The following WWOX variants were observed in gnomAD, a reference collection of about 807,000 sequenced individuals.
The protein encoded by WWOX is WW domain-containing oxidoreductase.
A neutral mutation model predicts 46.2 loss-of-function variants in WWOX; 69 were observed. The ratio of observed to expected loss-of-function variants is 1.49; its 90% CI spans 1.23 to 1.82. The LOEUF is 1.82. Among genes scored for constraint, WWOX ranks in the 40% most tolerant of loss-of-function variants. WWOX has a pLI of 0.00. For missense variants in WWOX, 919 were observed against 542.6 expected, an observed-to-expected ratio of 1.69 and a Z score of -6.89; for synonymous variants, 359 against 202.6, an observed-to-expected ratio of 1.77 and a Z score of -6.56.
chr16:78,471,497 A>G (rs2084219520), intron 8 of WWOX, among the ~76,000 whole-genome samples: 1 of 152,136 alleles, frequency 6.6e-6, no homozygotes, highest in African/African-American at 2.4e-5. Flanking sequence ...GATCTTTTTC[A>G]CCAGCACCTT....
At chr16:79,023,350 G>A (rs1015384618) in intron 8 of WWOX, among the ~76,000 whole-genome samples, 3 of 152,192 alleles carry the variant, frequency 2.0e-5, no homozygotes, top group African/African-American at 7.2e-5. Flanking sequence ...CTTGGTATGA[G>A]TTCTAGGGGG....
At chr16:78,562,598 C>G (rs1409059917) in intron 8 of WWOX, among the ~76,000 whole-genome samples, 1 of 152,188 alleles carries the variant, frequency 6.6e-6, no homozygotes, top group Non-Finnish European at 1.5e-5. Flanking sequence ...CTGGGCCTGT[C>G]ACTTACTCCC....
chr16:78,668,219 G>A (rs901846053), intron 8 of WWOX, among the ~76,000 whole-genome samples: 2 of 152,088 alleles, frequency 1.3e-5, no homozygotes, highest in African/African-American at 4.8e-5. Flanking sequence ...AGCGGAGGTT[G>A]CAGTCAGCCG....
Position 78,228,749 on chromosome 16 carries a change from G to A in WWOX, c.516+64460G>A, listed in dbSNP as rs11863945. On this transcript the variant is annotated intron_variant, in intron 5 of 8. Coordinates refer to ENST00000566780, the MANE Select transcript of WWOX (RefSeq NM_016373.4). ...GTGAACATCATTAGTTGACAGATAT[G>A]TCATTGAAGTTTCATCCTTCTTCAT... 4.4e-3 allele frequency among the ~76,000 whole-genome samples: 670 copies of A among 152,276 alleles called. 5 individuals are homozygous for A. The highest frequency in any genetic ancestry group is 0.015 in the African/African-American group (624 of 41,564).
At chr16:78,867,533 TTG>T (rs1411221745) in intron 8 of WWOX, among the ~76,000 whole-genome samples, 3 of 151,368 alleles carry the variant, frequency 2.0e-5, no homozygotes, top group African/African-American at 7.3e-5. Flanking sequence ...TTTTGTTTTT[TTG>T]TGTGTGTGTT....
At chr16:79,115,745 T>C (rs7191506) in intron 8 of WWOX, among the ~76,000 whole-genome samples, 70,550 of 152,016 alleles carry the variant, frequency 0.46, 17,272 homozygotes, top group African/African-American at 0.62. Context: ...CTGACCTGCG[T>C]GTAGAAGTTT....
intron 8 of WWOX, among the ~76,000 whole-genome samples, chr16:78,773,048 A>T (rs2050103076): frequency 6.6e-6 from 1 of 152,026 alleles, no homozygotes; most frequent in South Asian, 2.1e-4. Flanking sequence ...CAAAACAAAC[A>T]AACAAAAGAA....
chr16:79,057,902 T>G lies in WWOX; in HGVS notation c.1057-153706T>G, dbSNP rs1049773174. Reference sequence around the variant, plus strand: ...CATAATGTGCAAGGATATCCTTCCATGTTATTAGAAATACAGATACACCAT... The same window carrying G: ...CATAATGTGCAAGGATATCCTTCCAGGTTATTAGAAATACAGATACACCAT... On this transcript the variant is annotated intron_variant, in intron 8 of 8. Transcript: ENST00000566780. 8.5e-5 allele frequency among the ~76,000 whole-genome samples: 13 copies of G among 152,302 alleles called. No homozygotes were observed. The South Asian group carries it at 1.2e-3, about 15-fold the overall frequency.
intron 8 of WWOX, among the ~76,000 whole-genome samples, chr16:78,680,199 C>G (rs940846930): frequency 1.3e-5 from 2 of 152,130 alleles, no homozygotes; most frequent in African/African-American, 4.8e-5. Flanking sequence ...AGCTTGAGCC[C>G]AGGAGTTCGA....
At chr16:78,436,496 A>G (rs548667783) in intron 8 of WWOX, among the ~76,000 whole-genome samples, 115 of 152,364 alleles carry the variant, frequency 7.5e-4, no homozygotes, top group African/African-American at 2.4e-3. Context: ...ATATGTAGCT[A>G]AGAGTCTTAC....
At chr16:78,459,623 A>G (rs2083904182) in intron 8 of WWOX, among the ~76,000 whole-genome samples, 1 of 152,134 alleles carries the variant, frequency 6.6e-6, no homozygotes, top group African/African-American at 2.4e-5. Flanking sequence ...TACTTTCTGC[A>G]TTTGCGTGTG....
At chr16:78,139,836 G>GT (rs2033923615) in intron 4 of WWOX, among the ~76,000 whole-genome samples, 1 of 152,130 alleles carries the variant, frequency 6.6e-6, no homozygotes, top group South Asian at 2.1e-4. Context: ...ATAAAAATGT[G>GT]TTTTTTAGTT....
At chr16:78,812,285 T>G (rs1178351344) in intron 8 of WWOX, among the ~76,000 whole-genome samples, 1 of 152,126 alleles carries the variant, frequency 6.6e-6, no homozygotes, top group Non-Finnish European at 1.5e-5. Flanking sequence ...ATAGAGGACA[T>G]CAGCAGCCAG....
chr16:78,417,040 G>GGTGTGTGTGTGTGTGTGTGTGTGTGTGT lies in WWOX; in HGVS notation c.606-7818_606-7817insGTGTGTGTGTGTGTGTGTGTGTGTGTGT, dbSNP rs143606762. On this transcript the variant is annotated intron_variant, in intron 6 of 8. Transcript: ENST00000566780. ...CCTTGAAGTCAGGTGACCCTTTGGGGGTGTGTGTGTGTTTGCTTCTTTATA... is the reference window on the plus strand; with the variant it reads ...CCTTGAAGTCAGGTGACCCTTTGGGGGTGTGTGTGTGTGTGTGTGTGTGTGTGTGTGTGTGTGTGTTTGCTTCTTTATA... Among the ~76,000 whole-genome samples, 15 of 151,380 alleles carry GGTGTGTGTGTGTGTGTGTGTGTGTGTGT rather than the reference G, an allele frequency of 9.9e-5. 1 individual carries two copies. The highest frequency in any genetic ancestry group is 3.4e-4 in the African/African-American group (14 of 40,956).
intron 8 of WWOX, among the ~76,000 whole-genome samples, chr16:78,962,318 TTTTTTTTTAAA>T (rs1212316648): frequency 7.4e-5 from 7 of 94,316 alleles, no homozygotes; most frequent in African/African-American, 2.6e-4. Context: ...TTTTTTTTTT[TTTTTTTTTAAA>T]AAAAAAAAAA....
intron 8 of WWOX, among the ~76,000 whole-genome samples, chr16:78,714,007 C>G (rs2048505542): frequency 6.6e-6 from 1 of 152,042 alleles, no homozygotes; most frequent in African/African-American, 2.4e-5. Context: ...CTTTCCGTGA[C>G]ACTGCATTTG....
intron 8 of WWOX, among the ~76,000 whole-genome samples, chr16:78,608,538 C>A (rs1431336686): frequency 1.3e-5 from 2 of 152,130 alleles, no homozygotes; most frequent in African/African-American, 4.8e-5. Context: ...GGTTCAAGAG[C>A]CACTCTGTGC....
chr16:78,261,278 GATAGATACATAC>G (rs1051553517), intron 5 of WWOX, among the ~76,000 whole-genome samples: 23 of 143,460 alleles, frequency 1.6e-4, no homozygotes, highest in Non-Finnish European at 2.2e-4. Context: ...TAGATAGATA[GATAGATACATAC>G]ATACATACAT....
chr16:79,071,276 C>A (rs1029319010), intron 8 of WWOX, among the ~76,000 whole-genome samples: 1 of 152,182 alleles, frequency 6.6e-6, no homozygotes, highest in Non-Finnish European at 1.5e-5. Context: ...TTTTTGACAA[C>A]CTGACAATGA....
Sources: gnomAD v4.1 joint callset for allele counts (sites outside exome capture counted in the v4.1 genomes callset) on GRCh38, gnomAD v4.1.1 for gene constraint, MANE v1.5 for transcripts, NCBI Gene and HGNC (gene_info 2026-07-23, HGNC 2026-07-21) for gene names.